Variants in APBB2 observed in about 807,000 individuals in gnomAD.
APBB2 encodes amyloid beta precursor protein binding family B member 2.
APBB2 carries 38 observed loss-of-function variants against 82.5 expected under a neutral mutation model. That is an observed-to-expected ratio of 0.46 (90% CI 0.36 to 0.60). The LOEUF (loss-of-function observed/expected upper bound fraction) is 0.60. Ranked by LOEUF, APBB2 falls within the 20% of genes least tolerant of loss-of-function variation. The pLI is 0.00. For synonymous variants in APBB2, 341 were observed against 368.2 expected (o/e 0.93, Z 0.85); for missense variants, 772 against 972.3 (o/e 0.79, Z 2.74).
In APBB2 at chr4:41,038,213, G is replaced by GATAAATAA. The variant is rs5857768; in HGVS notation, c.-50-4917_-50-4910dup. On this transcript the variant is annotated intron_variant, in intron 4 of 17. Transcript: ENST00000508593. ...TCACAAAAGCACCATTAAGCAAACAGATAAATAAATAAATAAATAAATAGA... is the reference window on the plus strand; with the variant it reads ...TCACAAAAGCACCATTAAGCAAACAGATAAATAAATAAATAAATAAATAAATAAATAGA... 5.1e-3 allele frequency among the ~76,000 whole-genome samples: 762 copies of GATAAATAA among 150,094 alleles called. 6 individuals are homozygous for GATAAATAA. Among genetic ancestry groups the GATAAATAA allele is most frequent in the Middle Eastern group, 0.041 (12 of 294 alleles).
chr4:41,174,491 C>G (rs1027301805), intron 1 of APBB2, among the ~76,000 whole-genome samples: 3 of 152,086 alleles, frequency 2.0e-5, no homozygotes, highest in Non-Finnish European at 4.4e-5. Context: ...TAGTAGGAGA[C>G]TCTACCTGAG....
At chr4:41,026,558 T>C (rs940622625) in intron 5 of APBB2, among the ~76,000 whole-genome samples, 2 of 152,202 alleles carry the variant, frequency 1.3e-5, no homozygotes, top group Non-Finnish European at 1.5e-5. Flanking sequence ...TTGGTGATGA[T>C]AGACATTTCA....
At chr4:41,175,697 T>A (rs1441778951) in intron 1 of APBB2, among the ~76,000 whole-genome samples, 1 of 152,144 alleles carries the variant, frequency 6.6e-6, no homozygotes, top group African/African-American at 2.4e-5. Flanking sequence ...TTTATTCAGA[T>A]AAATTAATGT....
At chr4:40,897,127 T>A (rs1239967556) in intron 10 of APBB2, among the ~76,000 whole-genome samples, 1 of 152,218 alleles carries the variant, frequency 6.6e-6, no homozygotes, top group Non-Finnish European at 1.5e-5. Flanking sequence ...AATATTTTGA[T>A]CTAACAGCTC....
At chr4:41,008,883 C>CAA (rs1807536702) in intron 6 of APBB2, among the ~76,000 whole-genome samples, 1 of 152,228 alleles carries the variant, frequency 6.6e-6, no homozygotes, top group African/African-American at 2.4e-5. Context: ...CGCATTGCCA[C>CAA]ACCCATCTAG....
chr4:41,039,870 CTGT>C (rs1486160599), intron 4 of APBB2, among the ~76,000 whole-genome samples: 34 of 150,848 alleles, frequency 2.3e-4, no homozygotes, highest in Non-Finnish European at 4.1e-4. Context: ...GCTATTATTG[CTGT>C]TGTTATTTTT....
intron 3 of APBB2, among the ~76,000 whole-genome samples, chr4:41,071,052 C>G (rs186670035): frequency 9.5e-4 from 145 of 152,334 alleles, no homozygotes; most frequent in Non-Finnish European, 1.7e-3. Context: ...CCTACAAGTT[C>G]TTACTATGCT....
chr4:40,821,267 T>G (rs576148497), intron 17 of APBB2, among the ~76,000 whole-genome samples: 1 of 152,338 alleles, frequency 6.6e-6, no homozygotes, highest in South Asian at 2.1e-4. Flanking sequence ...TGTTTCCAAG[T>G]ATCCATGTGG....
intron 1 of APBB2, among the ~76,000 whole-genome samples, chr4:41,161,170 CAAAAAA>C (rs33917178): frequency 5.0e-4 from 43 of 86,248 alleles, no homozygotes; most frequent in Non-Finnish European, 5.5e-4. Context: ...TCTTCCCTGG[CAAAAAA>C]AAAAAAAAAA....
chr4:41,020,381 G>C (rs1811158677), intron 5 of APBB2, among the ~76,000 whole-genome samples: 2 of 152,060 alleles, frequency 1.3e-5, no homozygotes, highest in Non-Finnish European at 2.9e-5. Flanking sequence ...GGTGATTAAG[G>C]AAAAAAGACA....
chr4:41,100,604 C>A (rs181078164), intron 3 of APBB2, 35 bp downstream of exon 3: 321 of 152,150 alleles, frequency 2.1e-3, no homozygotes, highest in African/African-American at 7.3e-3. Context: ...AGAGGTATAA[C>A]AGAATTTTTT....
At chr4:41,104,367 G>A (rs77018011) in intron 2 of APBB2, among the ~76,000 whole-genome samples, 2 of 152,242 alleles carry the variant, frequency 1.3e-5, no homozygotes, top group East Asian at 3.9e-4. Context: ...TGAAGGCTGA[G>A]GATATACAGG....
intron 6 of APBB2, among the ~76,000 whole-genome samples, chr4:40,958,040 A>C (rs1035725227): frequency 1.3e-5 from 2 of 152,246 alleles, no homozygotes; most frequent in Non-Finnish European, 2.9e-5. Flanking sequence ...AAGGCATGAA[A>C]TGTAAGCAGC....
At chr4:41,161,130 A>G (rs1401460983) in intron 1 of APBB2, among the ~76,000 whole-genome samples, 2 of 144,370 alleles carry the variant, frequency 1.4e-5, no homozygotes, top group African/African-American at 5.2e-5. Flanking sequence ...AACTGACAGC[A>G]TGTATTACAG....
chr4:41,174,135 A>AT (rs892073152), intron 1 of APBB2, among the ~76,000 whole-genome samples: 3 of 152,230 alleles, frequency 2.0e-5, no homozygotes, highest in African/African-American at 7.2e-5. Context: ...TTAAACTGCA[A>AT]TAGCAGATAA....
intron 6 of APBB2, among the ~76,000 whole-genome samples, chr4:40,953,697 T>G (rs1458722598): frequency 6.6e-6 from 1 of 152,126 alleles, no homozygotes; most frequent in Non-Finnish European, 1.5e-5. Context: ...CTCCACATGC[T>G]GCAGAGGCTG....
intron 2 of APBB2, among the ~76,000 whole-genome samples, chr4:41,129,405 G>A (rs370257534): frequency 1.2e-3 from 179 of 152,198 alleles, no homozygotes; most frequent in Non-Finnish European, 1.5e-3. Flanking sequence ...CCCTCTCCCT[G>A]AAATGTCATC....
At chr4:41,140,728 C>G (rs1347316861) in intron 2 of APBB2, among the ~76,000 whole-genome samples, 3 of 152,170 alleles carry the variant, frequency 2.0e-5, no homozygotes, top group Admixed American at 2.0e-4. Context: ...GGCTCTGCCC[C>G]CTGACAGATC....
intron 4 of APBB2, among the ~76,000 whole-genome samples, chr4:41,056,993 TC>T (rs1728057510): frequency 6.6e-6 from 1 of 152,198 alleles, no homozygotes; most frequent in Non-Finnish European, 1.5e-5. Flanking sequence ...TGTGGAATTT[TC>T]TTGTACTCTG....
Sources: gnomAD v4.1 joint callset for allele counts (sites outside exome capture counted in the v4.1 genomes callset) on GRCh38, gnomAD v4.1.1 for gene constraint, MANE v1.5 for transcripts, NCBI Gene and HGNC (gene_info 2026-07-23, HGNC 2026-07-21) for gene names.